PSMD12: variants seen among roughly 807,000 people sequenced by gnomAD.
The protein encoded by PSMD12 is proteasome 26S subunit, non-ATPase 12, also known as 26S proteasome non-ATPase regulatory subunit 12.
Under a neutral mutation model 62.9 loss-of-function variants are expected in PSMD12, and 8 were observed. The ratio of observed to expected loss-of-function variants is 0.13; its 90% CI spans 0.07 to 0.23. The LOEUF is 0.23. Among genes scored for constraint, PSMD12 ranks in the 10% least tolerant of loss-of-function variants. The probability of loss-of-function intolerance (pLI) is 1.00; values close to 1 mark genes in which losing one functional copy is unlikely to be tolerated. For synonymous variants in PSMD12, 173 were observed against 187.4 expected, an observed-to-expected ratio of 0.92 and a Z score of 0.63; for missense variants, 424 against 550.2, an observed-to-expected ratio of 0.77 and a Z score of 2.29.
At chr17:67,362,096 G>A (rs2042136206) in intron 1 of PSMD12, among the ~76,000 whole-genome samples, 1 of 151,974 alleles carries the variant, frequency 6.6e-6, no homozygotes, top group African/African-American at 2.4e-5. Flanking sequence ...TTAAGAGGAA[G>A]GAGAATCAAA....
At chr17:67,354,771 C>T (rs1158650581) in intron 3 of PSMD12, among the ~76,000 whole-genome samples, 2 of 152,116 alleles carry the variant, frequency 1.3e-5, no homozygotes, top group East Asian at 3.9e-4. Flanking sequence ...GGGTGGATCA[C>T]TTGAGGTCAG....
chr17:67,346,260 G>T (rs998554001), intron 7 of PSMD12, among the ~76,000 whole-genome samples: 6 of 151,952 alleles, frequency 3.9e-5, no homozygotes, highest in Non-Finnish European at 5.9e-5. Flanking sequence ...CCGGGCGTGG[G>T]GGCGGGTGCC....
At chr17:67,357,476 A>G (rs753663132) in intron 2 of PSMD12, 43 bp downstream of exon 2, 2 of 1,612,748 alleles carry the variant, frequency 1.2e-6, no homozygotes, top group Non-Finnish European at 1.7e-6. Flanking sequence ...AGAATGTTCA[A>G]TGAAATTAAT....
Position 67,344,910 on chromosome 17 carries a change from AT to A in PSMD12, c.909-131del, listed in dbSNP as rs1432714822. 6.7e-6 allele frequency: 5 copies of A among 741,732 alleles called. No homozygotes were observed. In the East Asian group the frequency reaches 1.4e-4, roughly 20 times the overall value. The allele number at this position is 741,732 out of a possible 1,614,324, so 45.9% of individuals were successfully genotyped here. Reference sequence around the variant, plus strand: ...TTTATTTAGTAGAATGAGACACCATATGATTATTGTGTATTTTACCAACTTT... The same window carrying A: ...TTTATTTAGTAGAATGAGACACCATAGATTATTGTGTATTTTACCAACTTT... On this transcript the variant is annotated intron_variant, in intron 8 of 10. Coordinates refer to ENST00000356126, the MANE Select transcript of PSMD12 (RefSeq NM_002816.5).
chr17:67,361,179 A>G (rs1598578815), intron 1 of PSMD12: 1 of 152,244 alleles, frequency 6.6e-6, no homozygotes, highest in East Asian at 1.9e-4. Flanking sequence ...GAGTTTGTTC[A>G]ACATCAATGT....
At chr17:67,348,689 T>C (rs753857094) in intron 4 of PSMD12, 35 bp from the exon 5 acceptor site, 2 of 1,572,380 alleles carry the variant, frequency 1.3e-6, no homozygotes, top group South Asian at 1.1e-5. Context: ...CAAAATTCCA[T>C]GGAAACGTGT....
rs2041880734 is a variant in PSMD12, at chr17:67,338,557, G to C, written c.*2286C>G. The C allele has an allele frequency of 6.6e-6, 1 of 152,116 alleles. No homozygotes were observed. Among genetic ancestry groups the C allele is most frequent in the African/African-American group, 2.4e-5 (1 of 41,442 alleles). The allele number at this position is 152,116 out of a possible 1,614,324, so 9.4% of individuals were successfully genotyped here. On this transcript the variant is annotated 3_prime_UTR_variant, in exon 11 of 11. Coordinates refer to ENST00000356126, the MANE Select transcript of PSMD12 (RefSeq NM_002816.5). ...CACAAAGAGCCTAGTGTGTGTTAAAGAAAGACGAAAGAGGAGTTGGGTGCA... is the reference window on the plus strand; with the variant it reads ...CACAAAGAGCCTAGTGTGTGTTAAACAAAGACGAAAGAGGAGTTGGGTGCA...
Position 67,366,421 on chromosome 17 carries a change from C to A in PSMD12, c.99G>T (p.Lys33Asn). ...TVDQRLPECAKLAKEGRLQEV... is the reference protein window; with the variant it reads ...TVDQRLPECANLAKEGRLQEV... Reference sequence around the variant, plus strand: ...GCCGGCCTCTCCTCACCTTGGCTAGCTTCGCACACTCGGGTAGGCGCTGAT... The same window carrying A: ...GCCGGCCTCTCCTCACCTTGGCTAGATTCGCACACTCGGGTAGGCGCTGAT... Residue 33 changes from lysine (K) to asparagine (N), a missense_variant, in exon 1 of 11, where the codon AAG (lysine) becomes AAT (asparagine). Transcript: ENST00000356126. 1 of 1,611,494 alleles carries A rather than the reference C, an allele frequency of 6.2e-7. No homozygotes were observed. Among genetic ancestry groups the A allele is most frequent in the Non-Finnish European group, 8.5e-7 (1 of 1,178,560 alleles).
intron 1 of PSMD12, among the ~76,000 whole-genome samples, chr17:67,364,096 T>C (rs375437645): frequency 6.6e-6 from 1 of 152,038 alleles, no homozygotes; most frequent in African/African-American, 2.4e-5. Context: ...CAGAAAAATA[T>C]GTTTAAAAAA....
chr17:67,366,397 C>A lies in PSMD12; in HGVS notation c.108+15G>T, dbSNP rs770097910. 9 of 1,602,854 alleles carry A rather than the reference C, an allele frequency of 5.6e-6. No individual in the cohort carries two copies. The South Asian group carries it at 8.8e-5, about 16-fold the overall frequency. On this transcript the variant is annotated intron_variant, in intron 1 of 10. Transcript: ENST00000356126. ...GCCCCTGGCGCCCGCCAACAGCCAG[C>A]CGGCCTCTCCTCACCTTGGCTAGCT...
chr17:67,346,474 C>T lies in PSMD12; in HGVS notation c.796-617G>A, dbSNP rs552333360. On this transcript the variant is annotated intron_variant, in intron 7 of 10. Coordinates refer to ENST00000356126, the MANE Select transcript of PSMD12 (RefSeq NM_002816.5). ...CGGCTACTCAGGAGACTGAGGCAGG[C>T]GAGTCACTTGAATCCGGGAGGCGGA... Among the ~76,000 whole-genome samples the T allele has an allele frequency of 1.5e-3, 219 of 150,856 alleles. 1 individual carries two copies. Among genetic ancestry groups the T allele is most frequent in the African/African-American group, 5.1e-3 (211 of 41,012 alleles).
chr17:67,366,396 G>A lies in PSMD12; in HGVS notation c.108+16C>T, dbSNP rs374239465. On this transcript the variant is annotated intron_variant, in intron 1 of 10. Coordinates refer to ENST00000356126, the MANE Select transcript of PSMD12 (RefSeq NM_002816.5). ...AGCCCCTGGCGCCCGCCAACAGCCAGCCGGCCTCTCCTCACCTTGGCTAGC... is the reference window on the plus strand; with the variant it reads ...AGCCCCTGGCGCCCGCCAACAGCCAACCGGCCTCTCCTCACCTTGGCTAGC... The A allele has an allele frequency of 1.9e-6, 3 of 1,602,934 alleles. No homozygotes were observed. Among genetic ancestry groups the A allele is most frequent in the Admixed American group, 1.7e-5 (1 of 59,620 alleles).
chr17:67,350,114 G>A (rs34189633), intron 4 of PSMD12, 115 bp downstream of exon 4: 6,554 of 610,304 alleles, frequency 0.011, 40 homozygotes, highest in Non-Finnish European at 0.013. Context: ...GACATTTTGT[G>A]TATTTCTTTA....
rs2041885496 is a variant in PSMD12, at chr17:67,339,081, G to A, written c.*1762C>T. The A allele has an allele frequency of 6.6e-6, 1 of 151,198 alleles. No individual in the cohort carries two copies. Among genetic ancestry groups the A allele is most frequent in the African/African-American group, 2.4e-5 (1 of 41,154 alleles). 9.4% of individuals were successfully genotyped at this position (151,198 alleles called of 1,614,324 possible). A position where few individuals can be genotyped will look rare whatever the true frequency, so the allele number is the denominator to read the frequency against. ...AAAATTAAAACCATACTCTGTTAGT[G>A]TGAACTTCTGTTTCTGAACTTTCCA... On this transcript the variant is annotated 3_prime_UTR_variant, in exon 11 of 11. Coordinates refer to ENST00000356126, the MANE Select transcript of PSMD12 (RefSeq NM_002816.5).
chr17:67,366,372 G>T (rs371012026), intron 1 of PSMD12, 40 bp downstream of exon 1: 316 of 1,570,660 alleles, frequency 2.0e-4, no homozygotes, highest in Middle Eastern at 1.7e-4. Flanking sequence ...CCGTGACTCA[G>T]CCCCTGGCGC....
chr17:67,351,300 G>A (rs1433483061), intron 3 of PSMD12, among the ~76,000 whole-genome samples: 2 of 151,942 alleles, frequency 1.3e-5, no homozygotes, highest in Non-Finnish European at 2.9e-5. Flanking sequence ...GCTGAGGCAG[G>A]AGAATGGTGT....
chr17:67,343,891 A>G (rs2143686488), intron 9 of PSMD12, among the ~76,000 whole-genome samples: 1 of 150,902 alleles, frequency 6.6e-6, no homozygotes, highest in South Asian at 2.1e-4. Flanking sequence ...TTTAGTGGAG[A>G]TGGGGTTTCA....
At chr17:67,362,270 C>G (rs151124062) in intron 1 of PSMD12, among the ~76,000 whole-genome samples, 250 of 152,282 alleles carry the variant, frequency 1.6e-3, no homozygotes, top group African/African-American at 5.7e-3. Context: ...CTCCTGAATA[C>G]AAGGCAAAGA....
At chr17:67,349,908 C>T (rs1301822380) in intron 4 of PSMD12, among the ~76,000 whole-genome samples, 1 of 152,046 alleles carries the variant, frequency 6.6e-6, no homozygotes, top group Non-Finnish European at 1.5e-5. Context: ...ATATTATTTC[C>T]TCTATGTCTA....
Sources: gnomAD v4.1 joint callset for allele counts (sites outside exome capture counted in the v4.1 genomes callset) on GRCh38, gnomAD v4.1.1 for gene constraint, MANE v1.5 for transcripts, NCBI Gene and HGNC (gene_info 2026-07-23, HGNC 2026-07-21) for gene names.